VPS35L: variants seen among roughly 807,000 people sequenced by gnomAD.
VPS35L encodes VPS35 endosomal protein-sorting factor-like.
A neutral mutation model predicts 133.0 loss-of-function variants in VPS35L; 83 were observed. That is an observed-to-expected ratio of 0.62 (90% CI 0.52 to 0.75). VPS35L has a LOEUF of 0.75. VPS35L is among the 30% of genes least tolerant of loss of function. The pLI is 0.00. For synonymous variants in VPS35L, 423 were observed against 449.9 expected, an observed-to-expected ratio of 0.94 and a Z score of 0.76; for missense variants, 1,083 against 1,206.8, an observed-to-expected ratio of 0.90 and a Z score of 1.52.
In VPS35L at chr16:19,569,420, A is replaced by G; in HGVS notation, c.118-4A>G. 6.3e-7 allele frequency: 1 copy of G among 1,592,894 alleles called. No homozygotes were observed. ...CGTTTTACCTCCAGAAATTTTCCTC[A>G]CAGGTCACAGAGTCAAAGACAAAGA... On this transcript the variant is annotated splice_region_variant and splice_polypyrimidine_tract_variant and intron_variant, in intron 2 of 30. Transcript: ENST00000417362.
At chr16:19,624,354 G>A (rs9889138) in intron 14 of VPS35L, among the ~76,000 whole-genome samples, 12,925 of 151,760 alleles carry the variant, frequency 0.085, 751 homozygotes, top group East Asian at 0.22. Flanking sequence ...GGGCTGAGGC[G>A]GGCAGATTGC....
At chr16:19,589,682 T>A (rs1458781710) in intron 7 of VPS35L, among the ~76,000 whole-genome samples, 2 of 152,264 alleles carry the variant, frequency 1.3e-5, no homozygotes, top group Admixed American at 6.5e-5. Context: ...AAGATCATTA[T>A]AGCTTTAACT....
intron 2 of VPS35L, among the ~76,000 whole-genome samples, chr16:19,568,324 A>G (rs1171269007): frequency 1.3e-5 from 2 of 149,400 alleles, no homozygotes; most frequent in Non-Finnish European, 1.5e-5. Context: ...TTTTTGAGAC[A>G]GGGTCTCACT....
At chr16:19,624,984 T>G (rs1973215043) in intron 14 of VPS35L, among the ~76,000 whole-genome samples, 1 of 152,146 alleles carries the variant, frequency 6.6e-6, no homozygotes, top group Admixed American at 6.6e-5. Context: ...TGATCCTTCT[T>G]CCATTGATTT....
chr16:19,648,009 A>G, intron 24 of VPS35L, 127 bp downstream of exon 24: 1 of 826,938 alleles, frequency 1.2e-6, no homozygotes, highest in Non-Finnish European at 2.0e-6. Flanking sequence ...GCTAGAGTGC[A>G]GTGGCGCAAT....
intron 27 of VPS35L, 33 bp from the exon 28 acceptor site, chr16:19,682,192 G>A: frequency 6.2e-7 from 1 of 1,600,586 alleles, no homozygotes; most frequent in Non-Finnish European, 8.5e-7. Context: ...TTCATCTTTG[G>A]GATTATTTAT....
At chr16:19,620,257 A>G (rs1567429749) in intron 14 of VPS35L, among the ~76,000 whole-genome samples, 1 of 152,206 alleles carries the variant, frequency 6.6e-6, no homozygotes. Context: ...AAAATCCAAC[A>G]GTTAAATATG....
At chr16:19,682,470 A>AT in intron 28 of VPS35L, 80 bp downstream of exon 28, 2 of 1,449,086 alleles carry the variant, frequency 1.4e-6, no homozygotes, top group Non-Finnish European at 1.9e-6. Context: ...TTTCTCTTTT[A>AT]TTTTTTCCTC....
rs1472781452 is a variant in VPS35L at position 19,581,665 on chromosome 16, T to C, written c.639+12T>C. On this transcript the variant is annotated intron_variant, in intron 7 of 30. Coordinates refer to ENST00000417362, the MANE Select transcript of VPS35L (RefSeq NM_020314.7). ...AAATAGTCATCCAGGTTAGCTCTAG[T>C]GATCCCCCACCCCCACCCAGAATTT... 5.0e-6 allele frequency: 8 copies of C among 1,598,052 alleles called. No homozygotes were observed. In the South Asian group the frequency reaches 7.7e-5, roughly 15 times the overall value.
intron 8 of VPS35L, among the ~76,000 whole-genome samples, chr16:19,600,131 G>A (rs562518955): frequency 6.6e-6 from 1 of 152,224 alleles, no homozygotes; most frequent in South Asian, 2.1e-4. Flanking sequence ...TAGCTTGGCT[G>A]GCTTCCTTCA....
chr16:19,567,911 A>T (rs1305053662), intron 2 of VPS35L, among the ~76,000 whole-genome samples: 1 of 151,694 alleles, frequency 6.6e-6, no homozygotes. Flanking sequence ...TCGAGGGTAC[A>T]GTGAACCGTG....
intron 1 of VPS35L, among the ~76,000 whole-genome samples, chr16:19,564,527 TAGC>T (rs1971125387): frequency 6.6e-6 from 1 of 152,174 alleles, no homozygotes; most frequent in Non-Finnish European, 1.5e-5. Context: ...GCCTCCCAAG[TAGC>T]TGGGATTACA....
At chr16:19,575,590 C>T (rs1971505548) in intron 5 of VPS35L, among the ~76,000 whole-genome samples, 1 of 146,440 alleles carries the variant, frequency 6.8e-6, no homozygotes, top group Non-Finnish European at 1.5e-5. Context: ...CAGCCGGGCA[C>T]GGTGGCTCAC....
chr16:19,581,547 A>G lies in VPS35L; in HGVS notation c.533A>G (p.Asn178Ser), dbSNP rs919021936. 8.7e-6 allele frequency: 14 copies of G among 1,607,682 alleles called. No individual in the cohort carries two copies. The highest frequency in any genetic ancestry group is 1.1e-5 in the Non-Finnish European group (13 of 1,176,898). ...CAGGGTTCCCAAAAGGAGCTGTTGAACTTGACTCAGCAGGATTACGTGAAC... is the reference window on the plus strand; with the variant it reads ...CAGGGTTCCCAAAAGGAGCTGTTGAGCTTGACTCAGCAGGATTACGTGAAC... ...FEEGSQKELL[N>S]LTQQDYVNRI... Residue 178 changes from asparagine to serine, a missense_variant, in exon 7 of 31, where the codon AAC becomes AGC. Asn to Ser is a conservative substitution (Grantham distance 46). Transcript: ENST00000417362.
chr16:19,567,799 C>A (rs551283616), intron 2 of VPS35L, among the ~76,000 whole-genome samples: 86 of 152,098 alleles, frequency 5.7e-4, no homozygotes, highest in African/African-American at 2.0e-3. Flanking sequence ...TGATACCCCA[C>A]TTCTACAAAA....
chr16:19,571,397 GGT>G (rs1971380709), intron 3 of VPS35L, among the ~76,000 whole-genome samples: 2 of 151,822 alleles, frequency 1.3e-5, no homozygotes, highest in African/African-American at 4.8e-5. Context: ...TGGATTTTTT[GGT>G]AGAGTTGGGG....
chr16:19,669,143 T>A lies in VPS35L; in HGVS notation c.2222-17T>A. On this transcript the variant is annotated splice_polypyrimidine_tract_variant and intron_variant, in intron 26 of 30. Transcript: ENST00000417362. ...CCCAGAGTTCTAATATACTGACTTT[T>A]ATCTTCTGTCTTGCAGCTGATGCTT... is the stretch of plus-strand genomic sequence containing the variant. The A allele has an allele frequency of 1.9e-6, 3 of 1,591,376 alleles. No homozygotes were observed. Among genetic ancestry groups the A allele is most frequent in the Non-Finnish European group, 2.6e-6 (3 of 1,165,354 alleles).
At chr16:19,674,184 CTTTTTTTTTTTTTTT>C (rs201038834) in intron 27 of VPS35L, among the ~76,000 whole-genome samples, 13 of 70,908 alleles carry the variant, frequency 1.8e-4, no homozygotes, top group Non-Finnish European at 2.9e-4. Flanking sequence ...TTTTCTTTTT[CTTTTTTTTTTTTTTT>C]TTTTTTTTTT....
chr16:19,676,216 C>T (rs2151611910), intron 27 of VPS35L, among the ~76,000 whole-genome samples: 1 of 152,232 alleles, frequency 6.6e-6, no homozygotes, highest in South Asian at 2.1e-4. Context: ...TATGCCATTG[C>T]ACTCCAGCCT....
Sources: gnomAD v4.1 joint callset for allele counts (sites outside exome capture counted in the v4.1 genomes callset) on GRCh38, gnomAD v4.1.1 for gene constraint, MANE v1.5 for transcripts, NCBI Gene and HGNC (gene_info 2026-07-23, HGNC 2026-07-21) for gene names.